MEF2A: variants seen among roughly 807,000 people sequenced by gnomAD.
MEF2A encodes the protein myocyte enhancer factor 2A.
In MEF2A, 28 loss-of-function variants were observed where a neutral mutation model predicts 55.8. The ratio of observed to expected loss-of-function variants is 0.50; its 90% CI spans 0.37 to 0.69. MEF2A has a LOEUF of 0.69. Among genes scored for constraint, MEF2A ranks in the 30% least tolerant of loss-of-function variants. The pLI is 0.00. For missense variants in MEF2A, 528 were observed against 626.2 expected (o/e 0.84, Z 1.67); for synonymous variants, 239 against 227.1 (o/e 1.05, Z -0.47).
At chr15:99,573,026 C>T (rs1390434372) in intron 1 of MEF2A, among the ~76,000 whole-genome samples, 3 of 152,164 alleles carry the variant, frequency 2.0e-5, no homozygotes, top group East Asian at 1.9e-4. Flanking sequence ...CGGTGGCTCA[C>T]GCCTGTAATC....
intron 2 of MEF2A, among the ~76,000 whole-genome samples, chr15:99,613,488 T>G (rs1438859988): frequency 3.9e-5 from 6 of 152,192 alleles, no homozygotes; most frequent in African/African-American, 7.2e-5. Flanking sequence ...CTGTGGGTAA[T>G]CTAGCAATTG....
At chr15:99,710,143 G>T (rs1478628454) in intron 10 of MEF2A, among the ~76,000 whole-genome samples, 1 of 152,200 alleles carries the variant, frequency 6.6e-6, no homozygotes, top group Non-Finnish European at 1.5e-5. Context: ...AAGAAATATT[G>T]CTAGATCCTG....
chr15:99,586,080 C>A (rs764574183), intron 1 of MEF2A, among the ~76,000 whole-genome samples: 4 of 152,056 alleles, frequency 2.6e-5, no homozygotes, highest in Non-Finnish European at 4.4e-5. Context: ...TACAATTTTG[C>A]TGTTTGCCTT....
rs768602670 is a variant in MEF2A, at chr15:99,671,672, A to G, written c.390+218A>G. On this transcript the variant is annotated intron_variant, in intron 5 of 11. Coordinates refer to ENST00000557942, the MANE Select transcript of MEF2A (RefSeq NM_001319206.4). Reference sequence around the variant, plus strand: ...ATAAAATCGCAGTGAGTACTAAAGTATGGTTTGTGCTTTTATCTTGTGCAT... The same window carrying G: ...ATAAAATCGCAGTGAGTACTAAAGTGTGGTTTGTGCTTTTATCTTGTGCAT... 38 of 1,555,768 alleles carry G rather than the reference A, an allele frequency of 2.4e-5. 2 individuals are homozygous for G. In the South Asian group the frequency reaches 3.8e-4, roughly 16 times the overall value.
At chr15:99,621,727 T>C (rs917938339) in intron 2 of MEF2A, among the ~76,000 whole-genome samples, 2 of 152,226 alleles carry the variant, frequency 1.3e-5, no homozygotes, top group African/African-American at 4.8e-5. Flanking sequence ...ATTAAATCCT[T>C]AAGTTCCATT....
At chr15:99,599,093 G>A (rs983175326) in intron 2 of MEF2A, among the ~76,000 whole-genome samples, 3 of 152,042 alleles carry the variant, frequency 2.0e-5, no homozygotes, top group Middle Eastern at 3.4e-3. Context: ...AACTTACATT[G>A]GCCTAGGTTA....
intron 1 of MEF2A, among the ~76,000 whole-genome samples, chr15:99,595,790 A>G (rs992189187): frequency 6.6e-5 from 10 of 152,164 alleles, no homozygotes; most frequent in Non-Finnish European, 1.3e-4. Context: ...TATATAAGAG[A>G]CACAGGGGAA....
intron 7 of MEF2A, among the ~76,000 whole-genome samples, chr15:99,684,937 G>C (rs184689994): frequency 6.6e-6 from 1 of 152,236 alleles, no homozygotes; most frequent in African/African-American, 2.4e-5. Context: ...AGCACCATTT[G>C]CTGAATAGGG....
At chr15:99,598,816 A>G (rs1457697257) in intron 2 of MEF2A, among the ~76,000 whole-genome samples, 1 of 151,922 alleles carries the variant, frequency 6.6e-6, no homozygotes, top group Non-Finnish European at 1.5e-5. Flanking sequence ...AAAAAAATTA[A>G]GTAGGTAGTT....
At chr15:99,606,476 G>T (rs1014595607) in intron 2 of MEF2A, among the ~76,000 whole-genome samples, 3 of 152,124 alleles carry the variant, frequency 2.0e-5, no homozygotes, top group Non-Finnish European at 4.4e-5. Context: ...GATATCTGCA[G>T]TACCTTTAAC....
intron 8 of MEF2A, among the ~76,000 whole-genome samples, chr15:99,697,165 A>G (rs1810812321): frequency 6.6e-6 from 1 of 152,170 alleles, no homozygotes; most frequent in South Asian, 2.1e-4. Context: ...GTCTTCTAGC[A>G]TTTGGAGCTA....
chr15:99,700,597 G>A (rs1347245223), intron 8 of MEF2A, among the ~76,000 whole-genome samples: 1 of 152,134 alleles, frequency 6.6e-6, no homozygotes, highest in African/African-American at 2.4e-5. Flanking sequence ...AGAGGTCTGT[G>A]AGGCAATAGC....
At chr15:99,708,307 G>A (rs933388399) in intron 10 of MEF2A, among the ~76,000 whole-genome samples, 69 of 152,328 alleles carry the variant, frequency 4.5e-4, no homozygotes, top group African/African-American at 1.5e-3. Context: ...ACTGTTCAAA[G>A]GTGTATTGGC....
chr15:99,700,664 A>G (rs1237393731), intron 8 of MEF2A, among the ~76,000 whole-genome samples: 3 of 152,174 alleles, frequency 2.0e-5, no homozygotes, highest in African/African-American at 7.2e-5. Context: ...ACCATTTTCT[A>G]ATACAAGGAC....
At chr15:99,706,092 T>C (rs1467433619) in intron 9 of MEF2A, among the ~76,000 whole-genome samples, 33 of 152,216 alleles carry the variant, frequency 2.2e-4, no homozygotes, top group Admixed American at 2.2e-3. Flanking sequence ...TTAATATTGC[T>C]CTTCCACTGC....
At chr15:99,611,928 GATTGTATA>G (rs1418739724) in intron 2 of MEF2A, among the ~76,000 whole-genome samples, 1 of 152,194 alleles carries the variant, frequency 6.6e-6, no homozygotes, top group Admixed American at 6.5e-5. Context: ...GAAAGCTACA[GATTGTATA>G]ATTGTATATT....
chr15:99,703,437 A>C, intron 9 of MEF2A, 52 bp downstream of exon 9: 1 of 1,558,312 alleles, frequency 6.4e-7, no homozygotes, highest in Non-Finnish European at 8.7e-7. Flanking sequence ...AGAAAGTACT[A>C]ATTCTCTTAC....
chr15:99,599,356 T>G (rs1485305410), intron 2 of MEF2A, among the ~76,000 whole-genome samples: 3 of 152,166 alleles, frequency 2.0e-5, no homozygotes, highest in Admixed American at 6.5e-5. Context: ...GGCTGATGAT[T>G]ATGTCAGTAA....
At chr15:99,691,613 G>A (rs1262589387) in intron 8 of MEF2A, among the ~76,000 whole-genome samples, 2 of 151,974 alleles carry the variant, frequency 1.3e-5, no homozygotes, top group Non-Finnish European at 2.9e-5. Context: ...CAGGAGAATC[G>A]TTTGAACCCA....
Sources: allele counts gnomAD v4.1 joint callset (sites outside exome capture counted in the v4.1 genomes callset), GRCh38; gene constraint gnomAD v4.1.1; transcripts MANE v1.5; gene names NCBI Gene and HGNC (gene_info 2026-07-23, HGNC 2026-07-21).